TFAP2B: variants seen among roughly 807,000 people sequenced by gnomAD.
TFAP2B encodes transcription factor AP-2 beta, also known as transcription factor AP-2-beta.
In TFAP2B, 9 loss-of-function variants were observed where a neutral mutation model predicts 44.3. The ratio of observed to expected loss-of-function variants is 0.20; its 90% CI spans 0.12 to 0.35. The LOEUF (loss-of-function observed/expected upper bound fraction) is 0.35, where lower values mean the gene tolerates loss of function less well. Ranked by LOEUF, TFAP2B falls within the 10% of genes least tolerant of loss-of-function variation. TFAP2B has a pLI of 1.00. For synonymous variants in TFAP2B, 270 were observed against 263.8 expected (o/e 1.02, Z -0.23); for missense variants, 509 against 600.0 (o/e 0.85, Z 1.59).
rs577594600 is a variant in TFAP2B, at chr6:50,834,724, C to T, written c.602-1337C>T. ...AGACGACAGAAACAGCCTATCTTTTCCCCACACAATTACAAAGTGAGATAG... is the reference window on the plus strand; with the variant it reads ...AGACGACAGAAACAGCCTATCTTTTTCCCACACAATTACAAAGTGAGATAG... On this transcript the variant is annotated intron_variant, in intron 3 of 6. Coordinates refer to ENST00000393655, the MANE Select transcript of TFAP2B (RefSeq NM_003221.4). Among the ~76,000 whole-genome samples, 32 of 152,278 alleles carry T rather than the reference C, an allele frequency of 2.1e-4. No individual in the cohort carries two copies. In the South Asian group the frequency reaches 4.1e-3, roughly 20 times the overall value.
chr6:50,825,632 T>C (rs2113933105), intron 2 of TFAP2B, among the ~76,000 whole-genome samples: 1 of 152,330 alleles, frequency 6.6e-6, no homozygotes, highest in East Asian at 1.9e-4. Context: ...AATAGTCTTG[T>C]CAAAGCGTCG....
At chr6:50,841,229 C>G (rs1443294263) in intron 6 of TFAP2B, among the ~76,000 whole-genome samples, 7 of 152,152 alleles carry the variant, frequency 4.6e-5, no homozygotes, top group Non-Finnish European at 5.9e-5. Flanking sequence ...TTTGTTCTCC[C>G]CAGTTCAGAA....
chr6:50,835,168 C>T (rs967993360), intron 3 of TFAP2B, among the ~76,000 whole-genome samples: 3 of 152,142 alleles, frequency 2.0e-5, no homozygotes, highest in Non-Finnish European at 4.4e-5. Context: ...TAAAACATAC[C>T]TTGAGTGCGG....
intron 6 of TFAP2B, among the ~76,000 whole-genome samples, chr6:50,841,806 C>G (rs2113958413): frequency 6.6e-6 from 1 of 152,276 alleles, no homozygotes; most frequent in East Asian, 1.9e-4. Flanking sequence ...CTATTTCTTC[C>G]TGGTTGTGAG....
intron 3 of TFAP2B, among the ~76,000 whole-genome samples, chr6:50,832,019 A>G (rs1405958733): frequency 6.6e-6 from 1 of 152,198 alleles, no homozygotes; most frequent in Admixed American, 6.5e-5. Flanking sequence ...CTTTCATGGG[A>G]AATAAAGAAA....
chr6:50,840,141 T>C lies in TFAP2B; in HGVS notation c.941-15T>C. Reference sequence around the variant, plus strand: ...CCTGGGTGCTGATTATTACCTTTACTGCTGTCTTTTTCAGGAGAAGCTGTT... The same window carrying C: ...CCTGGGTGCTGATTATTACCTTTACCGCTGTCTTTTTCAGGAGAAGCTGTT... On this transcript the variant is annotated splice_polypyrimidine_tract_variant and intron_variant, in intron 5 of 6. Coordinates refer to ENST00000393655, the MANE Select transcript of TFAP2B (RefSeq NM_003221.4). 1 of 1,613,944 alleles carries C rather than the reference T, an allele frequency of 6.2e-7. No individual in the cohort carries two copies. The highest frequency in any genetic ancestry group is 8.5e-7 in the Non-Finnish European group (1 of 1,179,964).
At chr6:50,822,146 A>G (rs746142501) in intron 1 of TFAP2B, 1 of 1,303,474 alleles carries the variant, frequency 7.7e-7, no homozygotes, top group Non-Finnish European at 1.0e-6. Flanking sequence ...GTTAGTCCAC[A>G]CCTATTCATC....
chr6:50,822,601 C>A (rs964808861), intron 1 of TFAP2B, among the ~76,000 whole-genome samples: 8 of 152,034 alleles, frequency 5.3e-5, no homozygotes, highest in African/African-American at 1.9e-4. Context: ...GCTTTTATTT[C>A]CCCCCACCCC....
intron 1 of TFAP2B, among the ~76,000 whole-genome samples, chr6:50,819,970 C>G (rs548968754): frequency 2.1e-4 from 32 of 152,154 alleles, no homozygotes; most frequent in African/African-American, 7.7e-4. Flanking sequence ...TGGTCTGGGA[C>G]AGCCCCAGGT....
At chr6:50,832,139 G>C (rs1762512305) in intron 3 of TFAP2B, among the ~76,000 whole-genome samples, 1 of 152,182 alleles carries the variant, frequency 6.6e-6, no homozygotes, top group Non-Finnish European at 1.5e-5. Flanking sequence ...CCTCTCAAAA[G>C]GAAGAAGTTC....
chr6:50,822,158 A>G (rs1770370665), intron 1 of TFAP2B: 15 of 1,303,796 alleles, frequency 1.2e-5, no homozygotes, highest in Non-Finnish European at 1.4e-5. Context: ...CTATTCATCC[A>G]TGGTGAGTTT....
rs1037172382 is a variant in TFAP2B at position 50,830,335 on chromosome 6, C to A, written c.601+1656C>A. The A allele has an allele frequency of 1.6e-5, 16 of 981,426 alleles. No homozygotes were observed. In the African/African-American group the frequency reaches 1.9e-4, roughly 12 times the overall value. The allele number at this position is 981,426 out of a possible 1,614,324, so 60.8% of individuals were successfully genotyped here. On this transcript the variant is annotated intron_variant, in intron 3 of 6. Coordinates refer to ENST00000393655, the MANE Select transcript of TFAP2B (RefSeq NM_003221.4). Reference sequence around the variant, plus strand: ...AATATTTGTAACTTAGCTTGCCTAGCAAAACAGAGCTGAAGATTTTCTTAG... The same window carrying A: ...AATATTTGTAACTTAGCTTGCCTAGAAAAACAGAGCTGAAGATTTTCTTAG...
At chr6:50,841,612 C>T (rs145960195) in intron 6 of TFAP2B, among the ~76,000 whole-genome samples, 2 of 152,280 alleles carry the variant, frequency 1.3e-5, no homozygotes, top group East Asian at 3.9e-4. Context: ...ACTTCTGAAC[C>T]TAGGGTATCA....
At chr6:50,835,424 G>A (rs1409972104) in intron 3 of TFAP2B, among the ~76,000 whole-genome samples, 1 of 152,162 alleles carries the variant, frequency 6.6e-6, no homozygotes, top group African/African-American at 2.4e-5. Context: ...GAAGAATGGG[G>A]CCCACTTTAA....
chr6:50,842,732 T>C (rs1206744056), intron 6 of TFAP2B, among the ~76,000 whole-genome samples: 2 of 151,878 alleles, frequency 1.3e-5, no homozygotes, highest in Non-Finnish European at 2.9e-5. Context: ...GGGAAACAGC[T>C]CAAAAGAAAT....
In TFAP2B at chr6:50,843,476, G is replaced by C. The variant is rs1478458761; in HGVS notation, c.*84G>C. On this transcript the variant is annotated 3_prime_UTR_variant, in exon 7 of 7. Coordinates refer to ENST00000393655, the MANE Select transcript of TFAP2B (RefSeq NM_003221.4). ...ATTTAATTTTAGCTTTAAAATATTG[G>C]ATTGGCTTTGGAAGAATTATATTAG... 1 of 1,394,026 alleles carries C rather than the reference G, an allele frequency of 7.2e-7. No individual in the cohort carries two copies. Among genetic ancestry groups the C allele is most frequent in the Non-Finnish European group, 9.8e-7 (1 of 1,015,990 alleles). 86.4% of individuals were successfully genotyped at this position (1,394,026 alleles called of 1,614,324 possible).
In TFAP2B at chr6:50,844,638, G is replaced by A. The variant is rs1210465513; in HGVS notation, c.*1246G>A. Reference sequence around the variant, plus strand: ...CAATTCCGGTGGAGGTGGCAGGGGAGGGGGTCTGCAAAATGAATTTTAAGG... The same window carrying A: ...CAATTCCGGTGGAGGTGGCAGGGGAAGGGGTCTGCAAAATGAATTTTAAGG... On this transcript the variant is annotated 3_prime_UTR_variant, in exon 7 of 7. Transcript: ENST00000393655. 6.5e-6 allele frequency: 1 copy of A among 152,676 alleles called. No individual in the cohort carries two copies. Among genetic ancestry groups the A allele is most frequent in the Non-Finnish European group, 1.5e-5 (1 of 68,058 alleles). The allele number at this position is 152,676 out of a possible 1,614,324, so 9.5% of individuals were successfully genotyped here. A position where few individuals can be genotyped will look rare whatever the true frequency, so the allele number is the denominator to read the frequency against.
chr6:50,822,126 T>C (rs1269397841), intron 1 of TFAP2B: 2 of 1,303,982 alleles, frequency 1.5e-6, no homozygotes, highest in East Asian at 5.6e-5. Context: ...CCAGGCTTTT[T>C]TTTCCAGATG....
chr6:50,827,084 C>A (rs1419964085), intron 2 of TFAP2B, among the ~76,000 whole-genome samples: 1 of 152,130 alleles, frequency 6.6e-6, no homozygotes, highest in African/African-American at 2.4e-5. Flanking sequence ...GCTGATGAGG[C>A]GTTTATACAT....
Sources: allele counts gnomAD v4.1 joint callset (sites outside exome capture counted in the v4.1 genomes callset), GRCh38; gene constraint gnomAD v4.1.1; transcripts MANE v1.5; gene names NCBI Gene and HGNC (gene_info 2026-07-23, HGNC 2026-07-21).